GPR137: variants seen among roughly 807,000 people sequenced by gnomAD.
GPR137 encodes G protein-coupled receptor 137.
In GPR137, 20 loss-of-function variants were observed where a neutral mutation model predicts 38.9. The ratio of observed to expected loss-of-function variants is 0.51; its 90% CI spans 0.36 to 0.75. The LOEUF (loss-of-function observed/expected upper bound fraction) is 0.75. GPR137 is among the 30% of genes least tolerant of loss of function. The probability of loss-of-function intolerance (pLI) is 0.00; values close to 1 mark genes in which losing one functional copy is unlikely to be tolerated. For missense variants in GPR137, 456 were observed against 526.4 expected (o/e 0.87, Z 1.31); for synonymous variants, 226 against 235.8 (o/e 0.96, Z 0.38).
At chr11:64,284,762 G>A, upstream of GPR137, 1 of 1,535,410 alleles carries the variant, frequency 6.5e-7, no homozygotes, top group Non-Finnish European at 8.7e-7. Flanking sequence ...AACGTCACTC[G>A]GGTAGGTCCA....
chr11:64,271,659 C>G (rs1370782023), upstream of GPR137: 4 of 1,509,588 alleles, frequency 2.6e-6, no homozygotes, highest in Non-Finnish European at 3.5e-6. Context: ...GAGCTCGCGG[C>G]CATAGCGCTG....
chr11:64,280,386 C>A (rs368436941), upstream of GPR137, among the ~76,000 whole-genome samples: 18 of 139,714 alleles, frequency 1.3e-4, no homozygotes, highest in East Asian at 4.3e-4. Context: ...GAGTCTTGCT[C>A]TGTCGCCCAG....
intron 2 of GPR137, chr11:64,277,038 T>C (rs1190695934): frequency 2.8e-6 from 2 of 713,890 alleles, no homozygotes; most frequent in African/African-American, 3.5e-5. Context: ...GAATACGAAG[T>C]TCTCCCTGTT....
upstream of GPR137, among the ~76,000 whole-genome samples, chr11:64,283,102 A>T (rs970833159): frequency 6.6e-6 from 1 of 152,190 alleles, no homozygotes; most frequent in African/African-American, 2.4e-5. Context: ...TATGGGGTCC[A>T]ATCTGAGAGA....
chr11:64,285,825 C>G (rs2033928925), upstream of GPR137: 1 of 985,236 alleles, frequency 1.0e-6, no homozygotes, highest in Non-Finnish European at 1.2e-6. Flanking sequence ...GGCGCCCGCG[C>G]AGGCGCGGAG....
chr11:64,271,875 C>T, upstream of GPR137: 1 of 1,239,696 alleles, frequency 8.1e-7, no homozygotes, highest in Non-Finnish European at 1.0e-6. Flanking sequence ...TGCCTGAACC[C>T]TCCCCATCAG....
chr11:64,284,698 C>A, upstream of GPR137: 1 of 1,535,086 alleles, frequency 6.5e-7, no homozygotes, highest in African/African-American at 1.4e-5. Context: ...GGCTCCGGGC[C>A]CTAGTTGCTT....
At position 64,286,193 on chromosome 11, in the gene GPR137, C is replaced by A; in HGVS notation, c.-332C>A. On this transcript the variant is annotated 5_prime_UTR_variant, in exon 1 of 7. Coordinates refer to ENST00000438980, the MANE Select transcript of GPR137 (RefSeq NM_001170880.2). ...ACATGAACGACCGAGGCCAGGGAGT[C>A]CTCTCCTTGGGCCTCTGCATCCCCC... 1 of 1,105,966 alleles carries A rather than the reference C, an allele frequency of 9.0e-7. No individual in the cohort carries two copies. Among genetic ancestry groups the A allele is most frequent in the Non-Finnish European group, 1.1e-6 (1 of 906,142 alleles). The allele number at this position is 1,105,966 out of a possible 1,614,324, so 68.5% of individuals were successfully genotyped here.
At chr11:64,285,229 C>G (rs1042032439), upstream of GPR137, 4 of 987,296 alleles carry the variant, frequency 4.1e-6, no homozygotes, top group Admixed American at 6.1e-5. Flanking sequence ...TCGGGGGACA[C>G]CTCCCGCGCC....
chr11:64,272,959 C>G (rs995407463), upstream of GPR137: 20 of 152,366 alleles, frequency 1.3e-4, no homozygotes, highest in African/African-American at 4.6e-4. Context: ...GGCGTGATTC[C>G]TCACGCCTGT....
upstream of GPR137, chr11:64,285,597 C>T: frequency 2.0e-6 from 2 of 983,896 alleles, no homozygotes; most frequent in Non-Finnish European, 2.4e-6. Flanking sequence ...AACTGGCGGA[C>T]CCCCATACAA....
upstream of GPR137, chr11:64,284,238 A>AGGCCTGG: frequency 6.2e-7 from 1 of 1,608,276 alleles, no homozygotes; most frequent in Non-Finnish European, 8.5e-7. Context: ...GTCCCACAGG[A>AGGCCTGG]GGCCTGGGGC....
upstream of GPR137, chr11:64,284,847 C>T: frequency 4.7e-6 from 7 of 1,505,006 alleles, no homozygotes; most frequent in Non-Finnish European, 1.8e-6. Flanking sequence ...TTTTTCCTCC[C>T]TCCTTCGGCC....
In GPR137 at chr11:64,286,530, G is replaced by A. The variant is rs1281936229; in HGVS notation, c.6G>A (p.Glu2=). The A allele has an allele frequency of 6.2e-7, 1 of 1,610,308 alleles. No homozygotes were observed. The highest frequency in any genetic ancestry group is 1.3e-5 in the African/African-American group (1 of 74,842). The stretch of plus-strand genomic sequence containing the variant: ...TTCAGGCCTCCCTCCCTGACATGGA[G>A]AGTAACCTGTCTGGCCTGGTGCCTG... M[E]SNLSGLVPAA... The change falls in exon 1 of 7, where the codon GAG becomes GAA. Residue 2 remains glutamate (E), a synonymous_variant. Coordinates refer to ENST00000438980, the MANE Select transcript of GPR137 (RefSeq NM_001170880.2).
chr11:64,282,399 C>G (rs1221930610), upstream of GPR137, among the ~76,000 whole-genome samples: 2 of 151,400 alleles, frequency 1.3e-5, no homozygotes, highest in Non-Finnish European at 2.9e-5. Context: ...CCCAGGAATT[C>G]GAGACAAGAC....
upstream of GPR137, among the ~76,000 whole-genome samples, chr11:64,281,512 G>A (rs1453405995): frequency 6.6e-6 from 1 of 152,016 alleles, no homozygotes; most frequent in Non-Finnish European, 1.5e-5. Flanking sequence ...TCAACTTTAG[G>A]TCTCCAAATA....
At chr11:64,276,685 G>A in intron 2 of GPR137, 1 of 536,386 alleles carries the variant, frequency 1.9e-6, no homozygotes, top group Non-Finnish European at 3.3e-6. Context: ...GGGAGTGTCT[G>A]TGAATTCCCT....
upstream of GPR137, chr11:64,271,804 C>T: frequency 7.1e-7 from 1 of 1,400,014 alleles, no homozygotes; most frequent in East Asian, 2.8e-5. Context: ...GCCCCAGCGC[C>T]TGCAGAGGGT....
At chr11:64,277,134 A>G (rs2033128210) in intron 2 of GPR137, 4 of 628,956 alleles carry the variant, frequency 6.4e-6, no homozygotes, top group South Asian at 5.4e-5. Context: ...GGTGTTCCAG[A>G]CCGTTTGGAG....
Sources: gnomAD v4.1 joint callset for allele counts (sites outside exome capture counted in the v4.1 genomes callset) on GRCh38, gnomAD v4.1.1 for gene constraint, MANE v1.5 for transcripts, NCBI Gene and HGNC (gene_info 2026-07-23, HGNC 2026-07-21) for gene names.